The following SCUBE1 variants were observed in gnomAD, a reference collection of about 807,000 sequenced individuals.
The protein encoded by SCUBE1 is signal peptide, CUB and EGF-like domain-containing protein 1.
In SCUBE1, 59 loss-of-function variants were observed where a neutral mutation model predicts 124.4. That is an observed-to-expected ratio of 0.47 (90% confidence interval 0.38 to 0.59). The LOEUF (loss-of-function observed/expected upper bound fraction) is 0.59, where lower values mean the gene tolerates loss of function less well. Among genes scored for constraint, SCUBE1 ranks in the 20% least tolerant of loss-of-function variants. The probability of loss-of-function intolerance (pLI) is 0.00; values close to 1 mark genes in which losing one functional copy is unlikely to be tolerated. For missense variants in SCUBE1, 1,150 were observed against 1,371.2 expected, an observed-to-expected ratio of 0.84 and a Z score of 2.55; for synonymous variants, 545 against 550.9, an observed-to-expected ratio of 0.99 and a Z score of 0.15.
intron 3 of SCUBE1, among the ~76,000 whole-genome samples, chr22:43,297,635 C>T (rs530721506): frequency 1.4e-4 from 21 of 152,344 alleles, no homozygotes; most frequent in Non-Finnish European, 2.8e-4. Context: ...GACCCGCTTC[C>T]GAAAGGCCTC....
At chr22:43,220,424 A>G in intron 14 of SCUBE1, 26 bp downstream of exon 14, 1 of 1,608,494 alleles carries the variant, frequency 6.2e-7, no homozygotes, top group Non-Finnish European at 8.5e-7. Flanking sequence ...GGCCTGCAGA[A>G]GCCCCCAGGA....
intron 3 of SCUBE1, 112 bp downstream of exon 3, chr22:43,319,825 A>G (rs1263503181): frequency 1.5e-6 from 2 of 1,353,772 alleles, no homozygotes; most frequent in Non-Finnish European, 2.0e-6. Context: ...CTGGCAAACT[A>G]ATACAGGAAG....
Position 43,198,249 on chromosome 22 carries a change from G to A in SCUBE1, c.*5748C>T. 1 of 295,978 alleles carries A rather than the reference G, an allele frequency of 3.4e-6. No homozygotes were observed. The highest frequency in any genetic ancestry group is 3.0e-5 in the South Asian group (1 of 33,304). The allele number at this position is 295,978 out of a possible 1,614,324, so 18.3% of individuals were successfully genotyped here. ...TTTCCCTTCTTCCTGTTGGGGCTTG[G>A]GGGGTGCAGACAATTCCAGGGGGCT... On this transcript the variant is annotated 3_prime_UTR_variant, in exon 22 of 22. Transcript: ENST00000360835.
At chr22:43,209,626 C>T (rs771194591) in intron 19 of SCUBE1, among the ~76,000 whole-genome samples, 1 of 152,216 alleles carries the variant, frequency 6.6e-6, no homozygotes, top group Non-Finnish European at 1.5e-5. Context: ...ATGGGACGGC[C>T]GTGTGGTCCC....
intron 17 of SCUBE1, 33 bp downstream of exon 17, chr22:43,212,392 G>C (rs981673306): frequency 1.9e-6 from 3 of 1,545,106 alleles, no homozygotes; most frequent in African/African-American, 1.4e-5. Flanking sequence ...TGCCTCTCGG[G>C]GTGGGCGGGC....
intron 20 of SCUBE1, 42 bp downstream of exon 20, chr22:43,208,030 C>A: frequency 6.2e-7 from 1 of 1,609,760 alleles, no homozygotes; most frequent in Non-Finnish European, 8.5e-7. Context: ...CAGGGCCCCG[C>A]CTGAGCCGTG....
intron 1 of SCUBE1, among the ~76,000 whole-genome samples, chr22:43,341,921 A>G (rs977832324): frequency 3.9e-5 from 6 of 152,062 alleles, no homozygotes; most frequent in African/African-American, 1.4e-4. Flanking sequence ...GCCCAGGAAC[A>G]GTCACTCAGA....
rs138360053 is a variant in SCUBE1, at chr22:43,221,243, T to G, written c.1479A>C (p.Arg493=). 34 of 1,611,438 alleles carry G rather than the reference T, an allele frequency of 2.1e-5. No individual in the cohort carries two copies. The African/African-American group carries it at 4.4e-4, about 21-fold the overall frequency. The stretch of plus-strand genomic sequence containing the variant: ...GGGGCCGGAGGTGGCACTTGGCATC[T>G]CGGATCTTGAAGCGGGCCTTCTGTT... The part of the protein sequence containing the change: ...PIKQKARFKI[R]DAKCHLRPHS... The change falls in exon 13 of 22, where the codon CGA becomes CGC. Residue 493 remains arginine, a synonymous_variant. Transcript: ENST00000360835.
intron 6 of SCUBE1, among the ~76,000 whole-genome samples, chr22:43,241,540 G>C (rs1483604412): frequency 1.3e-5 from 2 of 152,076 alleles, no homozygotes; most frequent in African/African-American, 4.8e-5. Context: ...CCAAGCACGT[G>C]CCGCTGGACT....
chr22:43,300,723 G>A (rs1202030647), intron 3 of SCUBE1, among the ~76,000 whole-genome samples: 2 of 152,074 alleles, frequency 1.3e-5, no homozygotes, highest in South Asian at 2.1e-4. Context: ...AGGTACTCAG[G>A]AGTTCAGTGC....
chr22:43,207,718 G>T, intron 20 of SCUBE1, 105 bp from the exon 21 acceptor site: 1 of 889,406 alleles, frequency 1.1e-6, no homozygotes, highest in Non-Finnish European at 1.8e-6. Context: ...CCAGCCACGG[G>T]CTCTGGGCTA....
chr22:43,341,657 T>C (rs1211400783), intron 1 of SCUBE1, among the ~76,000 whole-genome samples: 1 of 152,086 alleles, frequency 6.6e-6, no homozygotes, highest in African/African-American at 2.4e-5. Flanking sequence ...ACATGGGAGT[T>C]TGAGGAGAGA....
At position 43,293,454 on chromosome 22, in the gene SCUBE1, C is replaced by T. The variant is rs540099888; in HGVS notation, c.350-2274G>A. Among the ~76,000 whole-genome samples, 5 of 152,358 alleles carry T rather than the reference C, an allele frequency of 3.3e-5. No individual in the cohort carries two copies. In the South Asian group the frequency reaches 1.0e-3, roughly 32 times the overall value. On this transcript the variant is annotated intron_variant, in intron 3 of 21. Transcript: ENST00000360835. Reference sequence around the variant, plus strand: ...CTTTGGCCCCAGGCTAAGCTGGCTGCGTCAGCGCATGTGCTCAGACCAATG... The same window carrying T: ...CTTTGGCCCCAGGCTAAGCTGGCTGTGTCAGCGCATGTGCTCAGACCAATG...
At chr22:43,259,507 T>A (rs9623793) in intron 5 of SCUBE1, among the ~76,000 whole-genome samples, 3 of 152,190 alleles carry the variant, frequency 2.0e-5, no homozygotes, top group Admixed American at 6.5e-5. Flanking sequence ...CAGAGGGAAG[T>A]CAACTGGTGG....
At chr22:43,280,695 C>T (rs1362948529) in intron 4 of SCUBE1, among the ~76,000 whole-genome samples, 4 of 151,382 alleles carry the variant, frequency 2.6e-5, no homozygotes, top group Admixed American at 2.0e-4. Flanking sequence ...TTCACACATC[C>T]CCACCACCTT....
At chr22:43,272,402 C>T (rs936102933) in intron 4 of SCUBE1, 1 of 152,224 alleles carries the variant, frequency 6.6e-6, no homozygotes, top group African/African-American at 2.4e-5. Context: ...TGGGTGTGCA[C>T]AGGCCTTGGC....
chr22:43,207,665 G>C (rs374154951), intron 20 of SCUBE1, 52 bp from the exon 21 acceptor site: 2 of 1,403,380 alleles, frequency 1.4e-6, no homozygotes, highest in African/African-American at 1.4e-5. Flanking sequence ...TGAGGCCCAC[G>C]TGCTCCCCTT....
intron 10 of SCUBE1, among the ~76,000 whole-genome samples, chr22:43,226,476 G>C (rs1922310583): frequency 6.6e-6 from 1 of 152,166 alleles, no homozygotes; most frequent in Admixed American, 6.5e-5. Context: ...GCTGAGGGCT[G>C]GTGGAGGCCC....
chr22:43,240,700 G>A (rs572236208), intron 6 of SCUBE1, among the ~76,000 whole-genome samples: 2 of 152,300 alleles, frequency 1.3e-5, no homozygotes, highest in African/African-American at 2.4e-5. Flanking sequence ...GCTTACAAGG[G>A]CCTGGCTTGT....
Sources: gnomAD v4.1 joint callset for allele counts (sites outside exome capture counted in the v4.1 genomes callset) on GRCh38, gnomAD v4.1.1 for gene constraint, MANE v1.5 for transcripts, NCBI Gene and HGNC (gene_info 2026-07-23, HGNC 2026-07-21) for gene names.